LBR: variants seen among roughly 807,000 people sequenced by gnomAD.
LBR encodes delta(14)-sterol reductase LBR.
A neutral mutation model predicts 74.3 loss-of-function variants in LBR; 28 were observed. The ratio of observed to expected loss-of-function variants is 0.38; its 90% CI spans 0.28 to 0.52. LBR has a LOEUF of 0.52. Ranked by LOEUF, LBR falls within the 20% of genes least tolerant of loss-of-function variation. The pLI is 0.89. For missense variants in LBR, 717 were observed against 760.3 expected (o/e 0.94, Z 0.67); for synonymous variants, 228 against 269.3 (o/e 0.85, Z 1.50).
At chr1:225,405,763 A>T (rs924654310) in intron 11 of LBR, among the ~76,000 whole-genome samples, 1 of 152,232 alleles carries the variant, frequency 6.6e-6, no homozygotes, top group African/African-American at 2.4e-5. Context: ...CCCCATTTTT[A>T]GCTGAACTAT....
intron 10 of LBR, among the ~76,000 whole-genome samples, chr1:225,408,743 T>C (rs142501466): frequency 6.6e-6 from 1 of 152,384 alleles, no homozygotes; most frequent in Non-Finnish European, 1.5e-5. Context: ...TTCCTAACTC[T>C]AGTTCTCTAC....
chr1:225,424,823 T>C (rs113169763), intron 1 of LBR, among the ~76,000 whole-genome samples: 2,012 of 152,370 alleles, frequency 0.013, 16 homozygotes, highest in Non-Finnish European at 0.02. Context: ...CTGCAAGAAC[T>C]GCCACTTACG....
intron 7 of LBR, among the ~76,000 whole-genome samples, chr1:225,414,958 C>T (rs575050908): frequency 1.3e-5 from 2 of 152,332 alleles, no homozygotes; most frequent in East Asian, 1.9e-4. Context: ...GAGCAGCTCA[C>T]GCAGCAGGAG....
At chr1:225,406,955 G>T in intron 10 of LBR, 123 bp from the exon 11 acceptor site, 2 of 890,456 alleles carry the variant, frequency 2.2e-6, no homozygotes, top group Admixed American at 2.1e-5. Context: ...ACATTTTTTT[G>T]TTAAAGGGGA....
chr1:225,415,251 A>G (rs1355201682), intron 7 of LBR, 27 bp downstream of exon 7: 3 of 1,439,752 alleles, frequency 2.1e-6, no homozygotes, highest in Middle Eastern at 1.7e-4. Context: ...CAAATCATCA[A>G]TTTGAGTCTT....
At chr1:225,416,436 A>G (rs1214497157) in intron 6 of LBR, among the ~76,000 whole-genome samples, 3 of 152,208 alleles carry the variant, frequency 2.0e-5, no homozygotes, top group African/African-American at 7.2e-5. Flanking sequence ...AAATATAAAT[A>G]TAGTATCATT....
intron 5 of LBR, among the ~76,000 whole-genome samples, chr1:225,418,806 G>C (rs1004828185): frequency 2.6e-5 from 4 of 152,052 alleles, no homozygotes; most frequent in African/African-American, 7.2e-5. Flanking sequence ...TCAGATCTTT[G>C]ACCCTCACAA....
In LBR at chr1:225,422,172, G is replaced by A. The variant is rs201003932; in HGVS notation, c.271C>T (p.Pro91Ser). The change falls in exon 3 of 14, where the codon CCT becomes TCT. Residue 91 changes from proline to serine, a missense_variant. Pro to Ser is a moderately conservative substitution (Grantham distance 74). Transcript: ENST00000272163. Reference sequence around the variant, plus strand: ...GAAGCAGATCGGCGGGCACTTTTAGGTGGTCGACCAGGGGATCGGGAGCGT... The same window carrying A: ...GAAGCAGATCGGCGGGCACTTTTAGATGGTCGACCAGGGGATCGGGAGCGT... ...RSRSRSPGRP[P>S]KSARRSASAS... is the part of the protein sequence containing the mutation. The A allele has an allele frequency of 1.3e-4, 212 of 1,614,054 alleles. 1 individual carries two copies. The highest frequency in any genetic ancestry group is 3.2e-4 in the Admixed American group (19 of 60,026).
intron 11 of LBR, 63 bp downstream of exon 11, chr1:225,406,601 G>A: frequency 7.2e-7 from 1 of 1,398,366 alleles, no homozygotes; most frequent in Non-Finnish European, 1.0e-6. Flanking sequence ...GTAGACAGCA[G>A]GGCATAAAAG....
intron 10 of LBR, 73 bp downstream of exon 10, chr1:225,410,218 C>A (rs1395684715): frequency 3.7e-6 from 6 of 1,604,728 alleles, no homozygotes; most frequent in Non-Finnish European, 5.1e-6. Flanking sequence ...GTGCAAGAAG[C>A]CGAGGCTCTG....
In LBR at chr1:225,406,089, C is replaced by T. The variant is rs192584063; in HGVS notation, c.1483+575G>A. Reference sequence around the variant, plus strand: ...TCATCTCACACTTCCCCACCACACACCCTTGCTGAGCTGTTCCCAGTGCCT... The same window carrying T: ...TCATCTCACACTTCCCCACCACACATCCTTGCTGAGCTGTTCCCAGTGCCT... On this transcript the variant is annotated intron_variant, in intron 11 of 13. Coordinates refer to ENST00000272163, the MANE Select transcript of LBR (RefSeq NM_002296.4). Among the ~76,000 whole-genome samples the T allele has an allele frequency of 5.5e-3, 840 of 152,310 alleles. 3 individuals carry two copies. Among genetic ancestry groups the T allele is most frequent in the Non-Finnish European group, 9.3e-3 (636 of 68,026 alleles).
Position 225,403,454 on chromosome 1 carries a change from T to A in LBR, c.1697A>T (p.His566Leu). ...AATTATGTAGAAATAAGGCAGAATG[T>A]GGTTAAAACCTGTGGATAATAATAG... is the stretch of plus-strand genomic sequence containing the variant. ...LAWSLPCGFN[H>L]ILPYFYIIYF... Residue 566 changes from histidine (H) to leucine (L), a missense_variant, in exon 14 of 14, where the codon CAC becomes CTC. Coordinates refer to ENST00000272163, the MANE Select transcript of LBR (RefSeq NM_002296.4). 2 of 1,610,208 alleles carry A rather than the reference T, an allele frequency of 1.2e-6. No homozygotes were observed. The highest frequency in any genetic ancestry group is 1.7e-6 in the Non-Finnish European group (2 of 1,176,442).
At chr1:225,420,753 GA>G (rs1485868250) in intron 3 of LBR, among the ~76,000 whole-genome samples, 4 of 141,264 alleles carry the variant, frequency 2.8e-5, no homozygotes, top group Non-Finnish European at 6.1e-5. Flanking sequence ...ACAGTAAGTT[GA>G]AAATGTCTGA....
In LBR at chr1:225,424,067, A is replaced by G. The variant is rs1220347756; in HGVS notation, c.9T>C (p.Ser3=). 1 of 1,613,938 alleles carries G rather than the reference A, an allele frequency of 6.2e-7. No individual in the cohort carries two copies. Among genetic ancestry groups the G allele is most frequent in the Admixed American group, 1.7e-5 (1 of 60,000 alleles). Reference sequence around the variant, plus strand: ...CCACTTCACCATCGGCAAATTTCCTACTTGGCATTTTCTATAATTAACCTG... The same window carrying G: ...CCACTTCACCATCGGCAAATTTCCTGCTTGGCATTTTCTATAATTAACCTG... MP[S]RKFADGEVVR... Residue 3 remains serine (S), a synonymous_variant, in exon 2 of 14, where the codon AGT becomes AGC. Coordinates refer to ENST00000272163, the MANE Select transcript of LBR (RefSeq NM_002296.4).
At chr1:225,410,812 G>A (rs888514984) in intron 9 of LBR, among the ~76,000 whole-genome samples, 1 of 152,192 alleles carries the variant, frequency 6.6e-6, no homozygotes, top group Non-Finnish European at 1.5e-5. Flanking sequence ...GAGTCCTGTC[G>A]AGGTTCCTGG....
Position 225,422,199 on chromosome 1 carries a change from A to G in LBR, c.244T>C (p.Ser82Pro), listed in dbSNP as rs917913308. ...PSRRRGSRSR[S>P]RSRSPGRPPK... ...GGTCGACCAGGGGATCGGGAGCGTG[A>G]CCTTGATCGACTCCCTCGGCGTCTG... Residue 82 changes from serine to proline, a missense_variant, in exon 3 of 14, where the codon TCA becomes CCA. Ser to Pro is a moderately conservative substitution (Grantham distance 74). Transcript: ENST00000272163. 4.3e-6 allele frequency: 7 copies of G among 1,613,832 alleles called. No homozygotes were observed. In the African/African-American group the frequency reaches 8.0e-5, roughly 18 times the overall value.
chr1:225,412,789 T>A (rs1306631313), intron 7 of LBR, 144 bp from the exon 8 acceptor site: 1 of 748,562 alleles, frequency 1.3e-6, no homozygotes, highest in Non-Finnish European at 2.2e-6. Flanking sequence ...AATATGCAAA[T>A]AAGCAATGTC....
At chr1:225,426,318 C>T (rs78738757) in intron 1 of LBR, among the ~76,000 whole-genome samples, 2,560 of 152,302 alleles carry the variant, frequency 0.017, 75 homozygotes, top group African/African-American at 0.058. Flanking sequence ...ACAAAAGCCC[C>T]ACATTTGTTC....
At position 225,403,284 on chromosome 1, in the gene LBR, T is replaced by C. The variant is rs912676347; in HGVS notation, c.*19A>G. On this transcript the variant is annotated 3_prime_UTR_variant, in exon 14 of 14. Transcript: ENST00000272163. Reference sequence around the variant, plus strand: ...CAGCTGGAATTGCAGGAGTATTTTGTAGAAAAGCCAGAAGAGCATTAGTAG... The same window carrying C: ...CAGCTGGAATTGCAGGAGTATTTTGCAGAAAAGCCAGAAGAGCATTAGTAG... 1.9e-6 allele frequency: 3 copies of C among 1,612,470 alleles called. No homozygotes were observed. Among genetic ancestry groups the C allele is most frequent in the Admixed American group, 3.3e-5 (2 of 59,974 alleles).
Sources: allele counts gnomAD v4.1 joint callset (sites outside exome capture counted in the v4.1 genomes callset), GRCh38; gene constraint gnomAD v4.1.1; transcripts MANE v1.5; gene names NCBI Gene and HGNC (gene_info 2026-07-23, HGNC 2026-07-21).